Variants in TENM3 observed in about 807,000 individuals in gnomAD.
TENM3 encodes the protein teneurin-3.
In TENM3, 63 loss-of-function variants were observed where a neutral mutation model predicts 255.1. That is an observed-to-expected ratio of 0.25 (90% CI 0.20 to 0.30). The LOEUF is 0.30. Ranked by LOEUF, TENM3 falls within the 10% of genes least tolerant of loss-of-function variation. The pLI, the probability that TENM3 is intolerant of heterozygous loss-of-function variation, is 1.00. For synonymous variants in TENM3, 1,306 were observed against 1,322.3 expected (o/e 0.99, Z 0.27); for missense variants, 2,929 against 3,461.1 (o/e 0.85, Z 3.86).
At chr4:181,634,019 T>C in the TENM3 span, among the ~76,000 whole-genome samples, 1 of 152,252 alleles carries the variant, frequency 6.6e-6, no homozygotes, top group East Asian at 1.9e-4. Context: ...AAAATGTGAC[T>C]TCCATCTTCA....
At chr4:182,066,711 C>T in the TENM3 span, among the ~76,000 whole-genome samples, 9 of 151,446 alleles carry the variant, frequency 5.9e-5, no homozygotes, top group African/African-American at 1.9e-4. Context: ...GAGATCGAGA[C>T]CGTCCTGGCT....
At chr4:182,492,152 C>G (rs113315591) in intron 3 of TENM3, among the ~76,000 whole-genome samples, 3 of 152,230 alleles carry the variant, frequency 2.0e-5, no homozygotes, top group African/African-American at 7.2e-5. Flanking sequence ...TTGAATTTAT[C>G]CTCCTCTAAT....
chr4:182,478,904 G>A (rs1047480185), intron 3 of TENM3, among the ~76,000 whole-genome samples: 1 of 151,938 alleles, frequency 6.6e-6, no homozygotes, highest in African/African-American at 2.4e-5. Flanking sequence ...TTAGGGTGGG[G>A]ATTATTTTAG....
chr4:182,267,984 T>G (rs1396070447), intron 1 of TENM3, among the ~76,000 whole-genome samples: 3 of 152,168 alleles, frequency 2.0e-5, no homozygotes, highest in Non-Finnish European at 4.4e-5. Context: ...TGACTGTTAC[T>G]CAGAAGAGAC....
chr4:182,021,656 G>C, the TENM3 span, among the ~76,000 whole-genome samples: 2 of 152,134 alleles, frequency 1.3e-5, no homozygotes, highest in Non-Finnish European at 2.9e-5. Flanking sequence ...CAAGAATGAA[G>C]CTAGCCTTGC....
chr4:181,653,685 G>A, the TENM3 span, among the ~76,000 whole-genome samples: 1 of 149,492 alleles, frequency 6.7e-6, no homozygotes, highest in African/African-American at 2.4e-5. Context: ...AGGCGTGCAT[G>A]AGCCATAAGA....
chr4:181,709,799 T>G, the TENM3 span, among the ~76,000 whole-genome samples: 1 of 152,192 alleles, frequency 6.6e-6, no homozygotes, highest in African/African-American at 2.4e-5. Flanking sequence ...TCAGGACTTA[T>G]TTTTTGAAGT....
chr4:181,835,508 C>G, the TENM3 span, among the ~76,000 whole-genome samples: 1 of 152,124 alleles, frequency 6.6e-6, no homozygotes, highest in Admixed American at 6.5e-5. Context: ...CTTGAGTGAT[C>G]ACAAAAAGAC....
the TENM3 span, among the ~76,000 whole-genome samples, chr4:181,578,220 A>AGCTCTGTGTG: frequency 8.8e-6 from 1 of 113,892 alleles, no homozygotes; most frequent in Non-Finnish European, 1.8e-5. Flanking sequence ...TGTGGGGAAG[A>AGCTCTGTGTG]TGTCTTTCCT....
chr4:181,887,958 A>G, the TENM3 span, among the ~76,000 whole-genome samples: 75 of 152,340 alleles, frequency 4.9e-4, no homozygotes, highest in Non-Finnish European at 7.2e-4. Flanking sequence ...AATAAAAATC[A>G]GACACAATAA....
At chr4:182,054,005 G>T in the TENM3 span, among the ~76,000 whole-genome samples, 1 of 152,152 alleles carries the variant, frequency 6.6e-6, no homozygotes, top group Non-Finnish European at 1.5e-5. Flanking sequence ...TGATCAAAGG[G>T]AATGATGTCG....
At chr4:181,559,232 G>T in the TENM3 span, among the ~76,000 whole-genome samples, 16,045 of 152,102 alleles carry the variant, frequency 0.11, 904 homozygotes, top group Middle Eastern at 0.17. Flanking sequence ...GATTCTTTCT[G>T]ATAATCTCCT....
the TENM3 span, among the ~76,000 whole-genome samples, chr4:181,723,606 G>A: frequency 6.6e-6 from 1 of 152,028 alleles, no homozygotes; most frequent in Admixed American, 6.6e-5. Context: ...TTTCTGTGTT[G>A]TAGTTCAAAA....
intron 3 of TENM3, 61 bp downstream of exon 3, chr4:182,346,990 C>G (rs928587764): frequency 9.8e-6 from 12 of 1,223,658 alleles, no homozygotes; most frequent in Non-Finnish European, 1.3e-5. Flanking sequence ...TTTTGGTTGA[C>G]TCCGCGGGGG....
chr4:182,418,034 T>A (rs1478455887), intron 3 of TENM3, among the ~76,000 whole-genome samples: 1 of 152,200 alleles, frequency 6.6e-6, no homozygotes, highest in African/African-American at 2.4e-5. Context: ...ATACTAAAAC[T>A]GAATCATGGT....
At chr4:182,323,883 A>G in intron 1 of TENM3, 63 bp from the exon 2 acceptor site, 1 of 672,098 alleles carries the variant, frequency 1.5e-6, no homozygotes, top group Non-Finnish European at 2.6e-6. Flanking sequence ...TGAGAAGGGT[A>G]GAGAGTAGCC....
At chr4:181,888,733 C>T in the TENM3 span, among the ~76,000 whole-genome samples, 1 of 149,584 alleles carries the variant, frequency 6.7e-6, no homozygotes, top group African/African-American at 2.5e-5. Context: ...GTGGTTCAGT[C>T]CGAAGGCCTT....
At chr4:182,725,062 T>C (rs1325045916) in intron 13 of TENM3, among the ~76,000 whole-genome samples, 1 of 151,954 alleles carries the variant, frequency 6.6e-6, no homozygotes, top group Non-Finnish European at 1.5e-5. Flanking sequence ...TTTTGGGTTT[T>C]TTTTTTTTGA....
At chr4:181,540,660 G>A in the TENM3 span, among the ~76,000 whole-genome samples, 1 of 152,086 alleles carries the variant, frequency 6.6e-6, no homozygotes, top group Admixed American at 6.6e-5. Flanking sequence ...CTAGTCATGA[G>A]GAAAACATTA....
Sources: gnomAD v4.1 joint callset for allele counts (sites outside exome capture counted in the v4.1 genomes callset) on GRCh38, gnomAD v4.1.1 for gene constraint, MANE v1.5 for transcripts, NCBI Gene and HGNC (gene_info 2026-07-23, HGNC 2026-07-21) for gene names.